ZBTB7C: variants seen among roughly 807,000 people sequenced by gnomAD.
ZBTB7C encodes the protein zinc finger and BTB domain-containing protein 7C.
Under a neutral mutation model 25.7 loss-of-function variants are expected in ZBTB7C, and 8 were observed. The ratio of observed to expected loss-of-function variants is 0.31; its 90% CI spans 0.18 to 0.56. The LOEUF (loss-of-function observed/expected upper bound fraction) is 0.56. Among genes scored for constraint, ZBTB7C ranks in the 20% least tolerant of loss-of-function variants. The pLI is 0.91. For synonymous variants in ZBTB7C, 394 were observed against 369.0 expected, an observed-to-expected ratio of 1.07 and a Z score of -0.78; for missense variants, 824 against 855.2, an observed-to-expected ratio of 0.96 and a Z score of 0.46.
At chr18:48,406,105 G>A (rs2048275044) in intron 1 of ZBTB7C, among the ~76,000 whole-genome samples, 1 of 151,994 alleles carries the variant, frequency 6.6e-6, no homozygotes, top group Non-Finnish European at 1.5e-5. Context: ...TAAATAGCCT[G>A]GACTCCTTCA....
intron 3 of ZBTB7C, among the ~76,000 whole-genome samples, chr18:48,155,090 T>C (rs2040796711): frequency 6.6e-6 from 1 of 152,142 alleles, no homozygotes; most frequent in South Asian, 2.1e-4. Context: ...GCTTGGAAAC[T>C]AGAAAACTAA....
intron 2 of ZBTB7C, among the ~76,000 whole-genome samples, chr18:48,282,475 T>A (rs947123644): frequency 1.4e-4 from 21 of 151,812 alleles, no homozygotes; most frequent in African/African-American, 3.4e-4. Flanking sequence ...AAAAAAAAAA[T>A]TTAGTGTTAT....
chr18:48,131,783 C>A (rs1449901876), intron 3 of ZBTB7C, among the ~76,000 whole-genome samples: 2 of 152,178 alleles, frequency 1.3e-5, no homozygotes, highest in Admixed American at 6.5e-5. Context: ...CTATAGAAAG[C>A]AAGCATGGCT....
At chr18:48,266,996 C>G (rs530889928) in intron 2 of ZBTB7C, among the ~76,000 whole-genome samples, 2 of 152,244 alleles carry the variant, frequency 1.3e-5, no homozygotes, top group African/African-American at 4.8e-5. Flanking sequence ...CTCTATAGCT[C>G]AAAAATTCCT....
chr18:48,382,614 C>T (rs199635598), intron 1 of ZBTB7C, among the ~76,000 whole-genome samples: 1 of 151,920 alleles, frequency 6.6e-6, no homozygotes, highest in African/African-American at 2.4e-5. Flanking sequence ...CTGTATTATT[C>T]AAGCCACAAA....
intron 3 of ZBTB7C, among the ~76,000 whole-genome samples, chr18:48,157,938 G>A (rs1456351904): frequency 6.6e-6 from 1 of 152,122 alleles, no homozygotes; most frequent in Non-Finnish European, 1.5e-5. Flanking sequence ...ACTAAGGGTG[G>A]TCATTTGGGG....
At chr18:48,296,528 T>C (rs1020221687) in intron 2 of ZBTB7C, among the ~76,000 whole-genome samples, 4 of 152,234 alleles carry the variant, frequency 2.6e-5, no homozygotes, top group African/African-American at 9.6e-5. Context: ...AATTACATTA[T>C]TTTTAAAAAT....
intron 2 of ZBTB7C, among the ~76,000 whole-genome samples, chr18:48,262,556 A>G (rs2044201890): frequency 6.6e-6 from 1 of 152,136 alleles, no homozygotes; most frequent in Non-Finnish European, 1.5e-5. Context: ...AGAAAACAGC[A>G]CCAGTGTAGA....
At chr18:48,261,225 G>A (rs1012897449) in intron 2 of ZBTB7C, among the ~76,000 whole-genome samples, 1 of 152,136 alleles carries the variant, frequency 6.6e-6, no homozygotes, top group East Asian at 1.9e-4. Context: ...TTAATTCTTG[G>A]AACATCCCTG....
chr18:48,316,558 T>C (rs568082071), intron 2 of ZBTB7C, among the ~76,000 whole-genome samples: 3 of 152,380 alleles, frequency 2.0e-5, no homozygotes, highest in East Asian at 1.9e-4. Flanking sequence ...CTTGGTGCCA[T>C]GCCCTTGGCA....
chr18:48,030,491 C>T (rs1254930332), intron 4 of ZBTB7C, among the ~76,000 whole-genome samples: 2 of 152,206 alleles, frequency 1.3e-5, no homozygotes, highest in Non-Finnish European at 2.9e-5. Flanking sequence ...GTTTCTTATC[C>T]TAAGCCTTGG....
intron 2 of ZBTB7C, among the ~76,000 whole-genome samples, chr18:48,296,103 G>T (rs187069788): frequency 2.0e-5 from 3 of 152,148 alleles, no homozygotes. Flanking sequence ...AAGATGGCCC[G>T]TGGCCTGGGC....
intron 3 of ZBTB7C, among the ~76,000 whole-genome samples, chr18:48,059,431 C>G (rs531424486): frequency 6.6e-6 from 1 of 152,248 alleles, no homozygotes; most frequent in African/African-American, 2.4e-5. Flanking sequence ...ATGCAGACAA[C>G]TCACACACAG....
chr18:48,300,140 C>T (rs1200283585), intron 2 of ZBTB7C, among the ~76,000 whole-genome samples: 1 of 152,152 alleles, frequency 6.6e-6, no homozygotes, highest in Non-Finnish European at 1.5e-5. Flanking sequence ...TAACTTCATT[C>T]TGTATCAGTG....
chr18:48,030,929 G>C (rs1231620156), intron 4 of ZBTB7C, among the ~76,000 whole-genome samples: 1 of 152,236 alleles, frequency 6.6e-6, no homozygotes, highest in Admixed American at 6.5e-5. Flanking sequence ...CAGCTGGGCT[G>C]CAAGAATTCC....
At chr18:48,052,095 A>G (rs1018650797) in intron 3 of ZBTB7C, among the ~76,000 whole-genome samples, 1 of 152,308 alleles carries the variant, frequency 6.6e-6, no homozygotes, top group Admixed American at 6.5e-5. Context: ...TAATAAAATA[A>G]ATCACTCGTC....
intron 2 of ZBTB7C, among the ~76,000 whole-genome samples, chr18:48,200,768 A>G (rs1347819093): frequency 6.6e-6 from 1 of 152,198 alleles, no homozygotes; most frequent in Non-Finnish European, 1.5e-5. Context: ...ACACAACAGC[A>G]TCTAAACTCA....
At position 48,040,625 on chromosome 18, in the gene ZBTB7C, C is replaced by G; in HGVS notation, c.483G>C (p.Glu161Asp). 1 of 1,611,222 alleles carries G rather than the reference C, an allele frequency of 6.2e-7. No homozygotes were observed. Among genetic ancestry groups the G allele is most frequent in the Non-Finnish European group, 8.5e-7 (1 of 1,179,432 alleles). ...CCTCCGTGTCATCATCGTCATCCTC[C>G]TCCTCTTCCTCCTCCTCCTCTTCGT... ...EEDEEEEEEE[E>D]EDDDDDTEDF... The change falls in exon 4 of 5, where the codon GAG becomes GAC. Residue 161 changes from glutamate (E) to aspartate (D), a missense_variant. Physicochemically the swap from Glu to Asp is conservative, Grantham distance 45. Around this residue, in one of 4 missense-constraint regions of ZBTB7C, gnomAD observed 316 missense variants for 299.2 expected, o/e 1.06. Transcript: ENST00000590800.
At chr18:48,305,108 G>A (rs1191872778) in intron 2 of ZBTB7C, among the ~76,000 whole-genome samples, 2 of 152,192 alleles carry the variant, frequency 1.3e-5, no homozygotes, top group African/African-American at 4.8e-5. Context: ...ATTATAACGA[G>A]CATTAAGTAG....
Sources: allele counts gnomAD v4.1 joint callset (sites outside exome capture counted in the v4.1 genomes callset), GRCh38; gene constraint gnomAD v4.1.1; regional missense constraint gnomAD v4.1.1; transcripts MANE v1.5; gene names NCBI Gene and HGNC (gene_info 2026-07-23, HGNC 2026-07-21).